ARB2A: variants seen among roughly 807,000 people sequenced by gnomAD.
ARB2A encodes cotranscriptional regulator ARB2A.
chr5:93,878,256 G>T, the ARB2A span, among the ~76,000 whole-genome samples: 1 of 151,596 alleles, frequency 6.6e-6, no homozygotes, highest in African/African-American at 2.4e-5. Context: ...TTTAATCCTG[G>T]CTCTACCACC....
At chr5:94,035,248 C>CATATACATATAG in the ARB2A span, among the ~76,000 whole-genome samples, 2 of 151,892 alleles carry the variant, frequency 1.3e-5, no homozygotes, top group African/African-American at 4.8e-5. Context: ...TATACATATA[C>CATATACATATAG]ATATACATCA....
At chr5:93,999,166 T>C in the ARB2A span, among the ~76,000 whole-genome samples, 3 of 151,994 alleles carry the variant, frequency 2.0e-5, no homozygotes, top group African/African-American at 7.2e-5. Flanking sequence ...GCATTTTTTT[T>C]TTTTCTAAAA....
the ARB2A span, among the ~76,000 whole-genome samples, chr5:93,899,812 C>A: frequency 2.0e-5 from 3 of 152,244 alleles, no homozygotes; most frequent in Admixed American, 1.3e-4. Context: ...TAATGACATG[C>A]ATATAATTCT....
At chr5:93,861,248 G>C in the ARB2A span, 3 of 150,014 alleles carry the variant, frequency 2.0e-5, no homozygotes, top group Non-Finnish European at 4.4e-5. Flanking sequence ...AATTTCTTCT[G>C]TTCTGAATAC....
At chr5:93,683,432 G>A in the ARB2A span, 1 of 1,601,074 alleles carries the variant, frequency 6.2e-7, no homozygotes, top group Non-Finnish European at 8.5e-7. Flanking sequence ...GACCACTGGT[G>A]GTGTTATTTC....
At chr5:94,035,192 T>TATCC in the ARB2A span, among the ~76,000 whole-genome samples, 1 of 148,286 alleles carries the variant, frequency 6.7e-6, no homozygotes, top group South Asian at 2.1e-4. Context: ...ACCAGGATCT[T>TATCC]ATACATACAT....
the ARB2A span, among the ~76,000 whole-genome samples, chr5:93,957,784 T>C: frequency 6.6e-6 from 1 of 152,062 alleles, no homozygotes; most frequent in African/African-American, 2.4e-5. Context: ...ATGTTACCTT[T>C]GACTTTTGTA....
chr5:93,978,627 G>A, the ARB2A span, among the ~76,000 whole-genome samples: 3 of 151,996 alleles, frequency 2.0e-5, no homozygotes, highest in African/African-American at 7.2e-5. Flanking sequence ...AGGCAGGGAG[G>A]GAAGAAAGGA....
chr5:93,737,324 G>A, the ARB2A span: 1 of 152,054 alleles, frequency 6.6e-6, no homozygotes, highest in Non-Finnish European at 1.5e-5. Context: ...TTCATGGATT[G>A]GAAGACTTAA....
the ARB2A span, among the ~76,000 whole-genome samples, chr5:94,083,489 T>C: frequency 1.3e-5 from 2 of 152,188 alleles, no homozygotes; most frequent in Admixed American, 6.5e-5. Context: ...AAAAAAGTCA[T>C]AGAAAACTAG....
the ARB2A span, among the ~76,000 whole-genome samples, chr5:93,682,194 T>C: frequency 6.8e-6 from 1 of 146,764 alleles, no homozygotes; most frequent in African/African-American, 2.5e-5. Flanking sequence ...TGGCAAAACA[T>C]CAAAGTACTA....
chr5:93,666,519 T>A, the ARB2A span, among the ~76,000 whole-genome samples: 5 of 151,218 alleles, frequency 3.3e-5, no homozygotes, highest in Non-Finnish European at 5.9e-5. Flanking sequence ...TTTTTTTTTT[T>A]AAATATAGGA....
the ARB2A span, among the ~76,000 whole-genome samples, chr5:93,967,129 A>C: frequency 9.5e-3 from 1,445 of 152,262 alleles, 25 homozygotes; most frequent in African/African-American, 0.033. Flanking sequence ...TAGAAAAACC[A>C]AAAAATGAAA....
chr5:93,852,763 G>T, the ARB2A span, among the ~76,000 whole-genome samples: 10 of 152,188 alleles, frequency 6.6e-5, no homozygotes, highest in East Asian at 1.9e-3. Flanking sequence ...TCAGATAGTT[G>T]TAGATATGCG....
chr5:93,924,556 A>G, the ARB2A span, among the ~76,000 whole-genome samples: 1 of 152,196 alleles, frequency 6.6e-6, no homozygotes, highest in Non-Finnish European at 1.5e-5. Flanking sequence ...CCCATAACCA[A>G]TAATTGTCTC....
At chr5:94,046,358 G>A in the ARB2A span, among the ~76,000 whole-genome samples, 1 of 152,220 alleles carries the variant, frequency 6.6e-6, no homozygotes, top group South Asian at 2.1e-4. Flanking sequence ...TGCTCCAAGA[G>A]GGATCTCTCC....
the ARB2A span, among the ~76,000 whole-genome samples, chr5:93,818,546 C>A: frequency 1.3e-5 from 2 of 152,046 alleles, no homozygotes; most frequent in South Asian, 4.2e-4. Context: ...GAAGCTGAAC[C>A]GATTGGGGAT....
the ARB2A span, among the ~76,000 whole-genome samples, chr5:93,948,521 C>G: frequency 6.6e-6 from 1 of 151,910 alleles, no homozygotes; most frequent in Non-Finnish European, 1.5e-5. Flanking sequence ...TAATTAGATC[C>G]CATTTGTCAA....
chr5:94,081,535 A>T, the ARB2A span, among the ~76,000 whole-genome samples: 8 of 152,206 alleles, frequency 5.3e-5, no homozygotes, highest in Non-Finnish European at 8.8e-5. Context: ...GATACTTGCT[A>T]TGACATAAAT....
Sources: gnomAD v4.1 joint callset for allele counts (sites outside exome capture counted in the v4.1 genomes callset) on GRCh38, gnomAD v4.1.1 for gene constraint, MANE v1.5 for transcripts, NCBI Gene and HGNC (gene_info 2026-07-23, HGNC 2026-07-21) for gene names.